The following MYO16 variants were observed in gnomAD, a reference collection of about 807,000 sequenced individuals.
The protein encoded by MYO16 is myosin XVI.
A neutral mutation model predicts 205.3 loss-of-function variants in MYO16; 94 were observed. The ratio of observed to expected loss-of-function variants is 0.46; its 90% CI spans 0.39 to 0.54. MYO16 has a LOEUF of 0.54. Ranked by LOEUF, MYO16 falls within the 20% of genes least tolerant of loss-of-function variation. The pLI is 0.00. For synonymous variants in MYO16, 988 were observed against 954.0 expected (o/e 1.04, Z -0.66); for missense variants, 2,315 against 2,387.5 (o/e 0.97, Z 0.63).
At chr13:108,710,833 A>G (rs1883690742) in intron 2 of MYO16, among the ~76,000 whole-genome samples, 1 of 152,216 alleles carries the variant, frequency 6.6e-6, no homozygotes, top group Non-Finnish European at 1.5e-5. Context: ...CTATCTTTGT[A>G]GTGAGATCAC....
intron 11 of MYO16, among the ~76,000 whole-genome samples, chr13:108,862,422 C>A (rs1427272688): frequency 6.6e-6 from 1 of 152,084 alleles, no homozygotes; most frequent in Non-Finnish European, 1.5e-5. Context: ...CCAAGGCTAC[C>A]ATATTACCCA....
chr13:108,713,936 T>C (rs935743700), intron 3 of MYO16, among the ~76,000 whole-genome samples: 2 of 152,200 alleles, frequency 1.3e-5, no homozygotes, highest in Non-Finnish European at 2.9e-5. Context: ...CATGTCTCAT[T>C]AGTCCCTAGA....
intron 1 of MYO16, among the ~76,000 whole-genome samples, chr13:108,648,380 C>A (rs991936347): frequency 4.6e-5 from 7 of 152,076 alleles, no homozygotes; most frequent in African/African-American, 1.7e-4. Context: ...GTCTTCATGA[C>A]CAGGGATTTT....
chr13:108,684,360 G>A (rs1882588038), intron 2 of MYO16, among the ~76,000 whole-genome samples: 1 of 152,172 alleles, frequency 6.6e-6, no homozygotes, highest in Admixed American at 6.5e-5. Context: ...ACACAAAGAG[G>A]AGGTTAGATA....
intron 21 of MYO16, among the ~76,000 whole-genome samples, chr13:109,001,305 G>A (rs533281355): frequency 6.6e-6 from 1 of 152,216 alleles, no homozygotes; most frequent in South Asian, 2.1e-4. Flanking sequence ...GCGAATGTGT[G>A]CCCAGTCCAC....
At chr13:108,688,670 C>T (rs1422009823) in intron 2 of MYO16, among the ~76,000 whole-genome samples, 1 of 152,132 alleles carries the variant, frequency 6.6e-6, no homozygotes, top group Non-Finnish European at 1.5e-5. Context: ...AAACAGACTT[C>T]CTGTGAATTC....
At chr13:108,728,826 A>G (rs1343118131) in intron 4 of MYO16, among the ~76,000 whole-genome samples, 1 of 152,188 alleles carries the variant, frequency 6.6e-6, no homozygotes, top group Non-Finnish European at 1.5e-5. Flanking sequence ...TCTGGAAAAC[A>G]TTTTAAATAC....
chr13:108,505,158 T>C, the MYO16 span, among the ~76,000 whole-genome samples: 1 of 152,204 alleles, frequency 6.6e-6, no homozygotes, highest in Non-Finnish European at 1.5e-5. Flanking sequence ...TTCAATTCTT[T>C]TGGATTAAAA....
At chr13:108,668,865 G>C (rs1247516197) in intron 2 of MYO16, among the ~76,000 whole-genome samples, 1 of 152,112 alleles carries the variant, frequency 6.6e-6, no homozygotes, top group Non-Finnish European at 1.5e-5. Flanking sequence ...ACTCCAGAGG[G>C]TGAAATCGGG....
intron 2 of MYO16, among the ~76,000 whole-genome samples, chr13:108,699,096 C>CTCTA (rs1295442724): frequency 3.9e-4 from 52 of 132,398 alleles, no homozygotes; most frequent in Non-Finnish European, 7.6e-4. Context: ...CTCTCTCTCT[C>CTCTA]TATATATATA....
intron 16 of MYO16, among the ~76,000 whole-genome samples, chr13:108,936,999 A>AT (rs1225918287): frequency 3.3e-5 from 5 of 152,112 alleles, no homozygotes; most frequent in Admixed American, 1.3e-4. Flanking sequence ...TTTTGTCTGC[A>AT]TGTTTAGAAC....
chr13:108,559,076 C>T, the MYO16 span, among the ~76,000 whole-genome samples: 7 of 151,820 alleles, frequency 4.6e-5, no homozygotes, highest in African/African-American at 1.2e-4. Context: ...AAGTCCTAAC[C>T]GCTGTACCTG....
At chr13:109,026,497 G>C (rs894156543) in intron 23 of MYO16, among the ~76,000 whole-genome samples, 3 of 152,156 alleles carry the variant, frequency 2.0e-5, no homozygotes, top group African/African-American at 7.2e-5. Context: ...CTGGCCTCCA[G>C]TGGTGAGAGG....
chr13:108,582,452 A>G, the MYO16 span, among the ~76,000 whole-genome samples: 1 of 152,220 alleles, frequency 6.6e-6, no homozygotes, highest in Non-Finnish European at 1.5e-5. Flanking sequence ...ATTCTGACCA[A>G]GAGTGGCAGG....
chr13:109,168,082 T>C (rs1345799445), intron 33 of MYO16, among the ~76,000 whole-genome samples: 1 of 151,936 alleles, frequency 6.6e-6, no homozygotes, highest in African/African-American at 2.4e-5. Context: ...GGGTAGATAA[T>C]ATCCAAACTA....
At chr13:108,757,805 A>G (rs1018749978) in intron 4 of MYO16, among the ~76,000 whole-genome samples, 7 of 152,172 alleles carry the variant, frequency 4.6e-5, no homozygotes, top group African/African-American at 1.7e-4. Flanking sequence ...TCATTTAGTT[A>G]TAGTAACACA....
At chr13:109,009,952 T>C (rs1373553541) in intron 22 of MYO16, among the ~76,000 whole-genome samples, 1 of 152,214 alleles carries the variant, frequency 6.6e-6, no homozygotes. Flanking sequence ...CTTAATTGTA[T>C]ACGGGACGCC....
chr13:108,612,437 C>G (rs1395916889), intron 1 of MYO16, among the ~76,000 whole-genome samples: 3 of 152,104 alleles, frequency 2.0e-5, no homozygotes, highest in Admixed American at 1.3e-4. Flanking sequence ...TAAGACAAAT[C>G]CAGCTACTGT....
At chr13:109,048,309 AC>A (rs1289994926) in intron 24 of MYO16, 2 of 742,746 alleles carry the variant, frequency 2.7e-6, no homozygotes, top group Non-Finnish European at 5.0e-6. Context: ...CCAGGAAAAA[AC>A]AATTCAGTCT....
Sources: allele counts gnomAD v4.1 joint callset (sites outside exome capture counted in the v4.1 genomes callset), GRCh38; gene constraint gnomAD v4.1.1; transcripts MANE v1.5; gene names NCBI Gene and HGNC (gene_info 2026-07-23, HGNC 2026-07-21).